Variants in MED25 observed in about 807,000 individuals in gnomAD.
MED25 encodes the protein mediator complex subunit 25, also known as mediator of RNA polymerase II transcription subunit 25.
Under a neutral mutation model 89.4 loss-of-function variants are expected in MED25, and 62 were observed. The observed-to-expected ratio is 0.69, with a 90% CI of 0.57 to 0.86. MED25 has a LOEUF of 0.86. Ranked by LOEUF, MED25 falls within the 40% of genes least tolerant of loss-of-function variation. The probability of loss-of-function intolerance (pLI) is 0.00; values close to 1 mark genes in which losing one functional copy is unlikely to be tolerated. For synonymous variants in MED25, 449 were observed against 427.9 expected, an observed-to-expected ratio of 1.05 and a Z score of -0.61; for missense variants, 905 against 1,005.2, an observed-to-expected ratio of 0.90 and a Z score of 1.35.
At position 49,818,743 on chromosome 19, in the gene MED25, C is replaced by T. The variant is rs559108866; in HGVS notation, c.180+127C>T. The T allele has an allele frequency of 6.9e-5, 64 of 933,036 alleles. 1 individual carries two copies. Among genetic ancestry groups the T allele is most frequent in the Admixed American group, 5.7e-4 (27 of 47,626 alleles). 57.8% of individuals were successfully genotyped at this position (933,036 alleles called of 1,614,324 possible). A position where few individuals can be genotyped will look rare whatever the true frequency, so the allele number is the denominator to read the frequency against. ...AGGGAGGAGGGGCTGGGGGTCTGGA[C>T]TCCTTGTTCTGAGGGAGGAGGGCCT... On this transcript the variant is annotated intron_variant, in intron 2 of 17. Coordinates refer to ENST00000312865, the MANE Select transcript of MED25 (RefSeq NM_030973.4).
chr19:49,828,304 G>C (rs2074028693), intron 3 of MED25, 145 bp from the exon 4 acceptor site: 1 of 696,688 alleles, frequency 1.4e-6, no homozygotes, highest in Non-Finnish European at 2.6e-6. Context: ...ACCAGGGATT[G>C]GGTAGGGAAC....
At chr19:49,819,617 C>T in intron 3 of MED25, 2 of 377,568 alleles carry the variant, frequency 5.3e-6, no homozygotes, top group South Asian at 4.2e-5. Flanking sequence ...GCAATGTTGC[C>T]ATCAGTTTAG....
At chr19:49,824,063 C>G (rs747516675) in intron 3 of MED25, among the ~76,000 whole-genome samples, 28 of 152,210 alleles carry the variant, frequency 1.8e-4, no homozygotes, top group Non-Finnish European at 3.8e-4. Flanking sequence ...AGGCCCAGGT[C>G]CAAGTCTGAT....
chr19:49,838,850 A>G (rs1425544370), downstream of MED25: 17 of 431,272 alleles, frequency 3.9e-5, no homozygotes, highest in East Asian at 2.1e-4. Context: ...GCGAATTAAC[A>G]GAAGTGGCGC....
At chr19:49,822,553 C>T (rs2073990424) in intron 3 of MED25, among the ~76,000 whole-genome samples, 1 of 151,562 alleles carries the variant, frequency 6.6e-6, no homozygotes. Flanking sequence ...GGATTAGAGG[C>T]ATGAGATGCT....
At chr19:49,837,790 A>C (rs1449021688), downstream of MED25, among the ~76,000 whole-genome samples, 2 of 152,100 alleles carry the variant, frequency 1.3e-5, no homozygotes, top group Non-Finnish European at 1.5e-5. Context: ...GGGACAGTGT[A>C]TGTTTGGCAG....
rs2074095716 is a variant in MED25 at position 49,836,079 on chromosome 19, G to T, written c.1965+134G>T. On this transcript the variant is annotated intron_variant, in intron 16 of 17. Coordinates refer to ENST00000312865, the MANE Select transcript of MED25 (RefSeq NM_030973.4). The surrounding 1 kb of genome is among the most constrained non-coding windows in gnomAD (Gnocchi z 5.1). ...GACCCGCCCAGGGCTTTAGGCAGAA[G>T]GCAGACCGCCTCCTCTCCGTCCATC... is the stretch of plus-strand genomic sequence containing the variant. 1.3e-6 allele frequency: 2 copies of T among 1,531,274 alleles called. No homozygotes were observed. The allele number at this position is 1,531,274 out of a possible 1,614,324, so 94.9% of individuals were successfully genotyped here. A position where few individuals can be genotyped will look rare whatever the true frequency, so the allele number is the denominator to read the frequency against.
rs574703435 is a variant in MED25 at position 49,832,166 on chromosome 19, C to T, written c.1374+9C>T. 227 of 1,611,638 alleles carry T rather than the reference C, an allele frequency of 1.4e-4. No homozygotes were observed. In the African/African-American group the frequency reaches 2.8e-3, roughly 20 times the overall value. On this transcript the variant is annotated intron_variant, in intron 12 of 17. Transcript: ENST00000312865. ...TCCCCCAGCAGCTGCTGGTGAGTGG[C>T]GGTGGAGGGCCAGCCCTGCTGCCGG...
Position 49,836,094 on chromosome 19 carries a change from C to G in MED25, c.1966-132C>G. 6.6e-7 allele frequency: 1 copy of G among 1,509,684 alleles called. No individual in the cohort carries two copies. The highest frequency in any genetic ancestry group is 9.0e-7 in the Non-Finnish European group (1 of 1,110,262). 93.5% of individuals were successfully genotyped at this position (1,509,684 alleles called of 1,614,324 possible). A position where few individuals can be genotyped will look rare whatever the true frequency, so the allele number is the denominator to read the frequency against. The stretch of plus-strand genomic sequence containing the variant: ...TTAGGCAGAAGGCAGACCGCCTCCT[C>G]TCCGTCCATCCCCCACCTTTGAAGA... On this transcript the variant is annotated intron_variant, in intron 16 of 17. Coordinates refer to ENST00000312865, the MANE Select transcript of MED25 (RefSeq NM_030973.4). This position sits in a 1 kb window ranked among gnomAD's most constrained non-coding sequence, Gnocchi z 5.1.
rs762374581 is a variant in MED25 at position 49,836,303 on chromosome 19, G to A, written c.2043G>A (p.Pro681=). The A allele has an allele frequency of 5.6e-6, 9 of 1,611,408 alleles. No homozygotes were observed. Among genetic ancestry groups the A allele is most frequent in the East Asian group, 2.2e-5 (1 of 44,840 alleles). The change falls in exon 17 of 18, where the codon CCG becomes CCA. Residue 681 remains proline (P), a synonymous_variant. Transcript: ENST00000312865. The surrounding 1 kb of genome is among the most constrained non-coding windows in gnomAD (Gnocchi z 5.1). ...QPPGAPALLP[P]PHQGLGQPQL... is the part of the protein sequence containing the mutation. Reference sequence around the variant, plus strand: ...CAGGGGCTCCTGCGCTGCTGCCTCCGCCGCACCAGGGCCTGGGGCAGCCCC... The same window carrying A: ...CAGGGGCTCCTGCGCTGCTGCCTCCACCGCACCAGGGCCTGGGGCAGCCCC...
At chr19:49,825,190 CG>C (rs1229895847) in intron 3 of MED25, among the ~76,000 whole-genome samples, 6 of 152,006 alleles carry the variant, frequency 3.9e-5, no homozygotes, top group Non-Finnish European at 8.8e-5. Context: ...ATAAGAGAAA[CG>C]CAAGTTTTAG....
At chr19:49,837,526 G>A (rs1255116874), downstream of MED25, among the ~76,000 whole-genome samples, 1 of 152,178 alleles carries the variant, frequency 6.6e-6, no homozygotes, top group East Asian at 1.9e-4. Context: ...AGTGGGGCGG[G>A]CCTAGGCCAG....
chr19:49,831,013 C>A lies in MED25; in HGVS notation c.1101+126C>A. ...TCGTGGTTCTGGGGCTTTGGGGGCTCGTGGTGTGTGTGCTGCAGATGCCTG... is the reference window on the plus strand; with the variant it reads ...TCGTGGTTCTGGGGCTTTGGGGGCTAGTGGTGTGTGTGCTGCAGATGCCTG... On this transcript the variant is annotated intron_variant, in intron 9 of 17. Transcript: ENST00000312865. This position sits in a 1 kb window ranked among gnomAD's most constrained non-coding sequence, Gnocchi z 5.0. 9.2e-7 allele frequency: 1 copy of A among 1,092,880 alleles called. No homozygotes were observed. Among genetic ancestry groups the A allele is most frequent in the Non-Finnish European group, 1.4e-6 (1 of 725,442 alleles). 67.7% of individuals were successfully genotyped at this position (1,092,880 alleles called of 1,614,324 possible). A position where few individuals can be genotyped will look rare whatever the true frequency, so the allele number is the denominator to read the frequency against.
At chr19:49,825,607 G>C (rs565596018) in intron 3 of MED25, among the ~76,000 whole-genome samples, 1 of 151,500 alleles carries the variant, frequency 6.6e-6, no homozygotes, top group African/African-American at 2.4e-5. Flanking sequence ...GTGAGGAGGC[G>C]GATCACCTGA....
chr19:49,819,848 A>C, intron 3 of MED25: 1 of 187,642 alleles, frequency 5.3e-6, no homozygotes, highest in African/African-American at 2.5e-5. Flanking sequence ...TTTTTGAAAC[A>C]GTGTCTTGCT....
At chr19:49,823,027 C>T (rs1398386636) in intron 3 of MED25, among the ~76,000 whole-genome samples, 1 of 152,156 alleles carries the variant, frequency 6.6e-6, no homozygotes, top group African/African-American at 2.4e-5. Flanking sequence ...TAGCTTGCTG[C>T]AGCCTCGACC....
In MED25 at chr19:49,835,438, C is replaced by A; in HGVS notation, c.1675-96C>A. 2 of 1,254,272 alleles carry A rather than the reference C, an allele frequency of 1.6e-6. No homozygotes were observed. Among genetic ancestry groups the A allele is most frequent in the Non-Finnish European group, 2.2e-6 (2 of 907,070 alleles). 77.7% of individuals were successfully genotyped at this position (1,254,272 alleles called of 1,614,324 possible). A position where few individuals can be genotyped will look rare whatever the true frequency, so the allele number is the denominator to read the frequency against. ...TCACCCCCAAAGAGAATGTCCCCATCTCCTTACTAGTTCCCCTCAGGGCAC... is the reference window on the plus strand; with the variant it reads ...TCACCCCCAAAGAGAATGTCCCCATATCCTTACTAGTTCCCCTCAGGGCAC... On this transcript the variant is annotated intron_variant, in intron 14 of 17. Coordinates refer to ENST00000312865, the MANE Select transcript of MED25 (RefSeq NM_030973.4). The surrounding 1 kb of genome is among the most constrained non-coding windows in gnomAD (Gnocchi z 6.2).
intron 2 of MED25, 67 bp downstream of exon 2, chr19:49,818,683 A>T (rs960983157): frequency 6.9e-7 from 1 of 1,444,458 alleles, no homozygotes; most frequent in East Asian, 2.3e-5. Context: ...GGTCTGAGGG[A>T]GGGAGAAAGG....
In MED25 at chr19:49,829,751, G is replaced by T; in HGVS notation, c.526-35G>T. The T allele has an allele frequency of 6.4e-7, 1 of 1,560,320 alleles. No homozygotes were observed. ...GCCGGCCCCAACACCCTTATGGAGG[G>T]GGCCCGTCATGACTGCTCGGCCCCT... is the stretch of plus-strand genomic sequence containing the variant. On this transcript the variant is annotated intron_variant, in intron 5 of 17. Transcript: ENST00000312865. This position sits in a 1 kb window ranked among gnomAD's most constrained non-coding sequence, Gnocchi z 4.6.
Sources: allele counts gnomAD v4.1 joint callset (sites outside exome capture counted in the v4.1 genomes callset), GRCh38; gene constraint gnomAD v4.1.1; non-coding constraint Gnocchi (gnomAD v3.1); transcripts MANE v1.5; gene names NCBI Gene and HGNC (gene_info 2026-07-23, HGNC 2026-07-21).